Variants in CLASP2 observed in about 807,000 individuals in gnomAD.
CLASP2 encodes cytoplasmic linker associated protein 2.
CLASP2 carries 47 observed loss-of-function variants against 194.4 expected under a neutral mutation model. The ratio of observed to expected loss-of-function variants is 0.24; its 90% CI spans 0.19 to 0.31. The LOEUF (loss-of-function observed/expected upper bound fraction) is 0.31, where lower values mean the gene tolerates loss of function less well. Ranked by LOEUF, CLASP2 falls within the 10% of genes least tolerant of loss-of-function variation. The pLI is 1.00. For missense variants in CLASP2, 1,445 were observed against 1,823.6 expected (o/e 0.79, Z 3.78); for synonymous variants, 619 against 633.5 (o/e 0.98, Z 0.34).
intron 29 of CLASP2, among the ~76,000 whole-genome samples, chr3:33,556,306 A>G (rs969916198): frequency 5.9e-5 from 9 of 152,174 alleles, no homozygotes; most frequent in Non-Finnish European, 1.0e-4. Context: ...ATAATCTGTT[A>G]AATTTTTTAT....
At chr3:33,637,018 A>G (rs1165396716) in intron 8 of CLASP2, among the ~76,000 whole-genome samples, 3 of 152,250 alleles carry the variant, frequency 2.0e-5, no homozygotes, top group Non-Finnish European at 4.4e-5. Flanking sequence ...TATTCTTAGG[A>G]CAACTGAGAA....
intron 11 of CLASP2, among the ~76,000 whole-genome samples, chr3:33,620,150 A>C (rs747418758): frequency 6.6e-6 from 1 of 152,216 alleles, no homozygotes; most frequent in Non-Finnish European, 1.5e-5. Flanking sequence ...CAAGTTCAAA[A>C]TCTTACTCAA....
In CLASP2 at chr3:33,497,507, C is replaced by T. The variant is rs2045946687; in HGVS notation, c.*1124G>A. ...ACCCTTTAAGTAGTTTTCCAAAAGA[C>T]ACTATAGGCAGCAGCTCAGTTAAAA... is the stretch of plus-strand genomic sequence containing the variant. On this transcript the variant is annotated 3_prime_UTR_variant, in exon 39 of 39. Coordinates refer to ENST00000682230, the MANE Select transcript of CLASP2 (RefSeq NM_001365631.1). 6.6e-6 allele frequency: 1 copy of T among 152,532 alleles called. No individual in the cohort carries two copies. 9.4% of individuals were successfully genotyped at this position (152,532 alleles called of 1,614,324 possible). A position where few individuals can be genotyped will look rare whatever the true frequency, so the allele number is the denominator to read the frequency against.
chr3:33,694,062 G>A (rs1026989822), intron 2 of CLASP2, among the ~76,000 whole-genome samples: 2 of 152,018 alleles, frequency 1.3e-5, no homozygotes, highest in Non-Finnish European at 2.9e-5. Context: ...ATTTTTAGAA[G>A]GGAAAGAAAG....
chr3:33,506,377 CGAAAAAAAAAA>C (rs1223286487), intron 37 of CLASP2, among the ~76,000 whole-genome samples: 8 of 61,876 alleles, frequency 1.3e-4, no homozygotes, highest in African/African-American at 1.7e-4. Context: ...GACTCTGTCT[CGAAAAAAAAAA>C]AAAAAAAAAA....
At chr3:33,609,388 A>G (rs2074621120) in intron 13 of CLASP2, among the ~76,000 whole-genome samples, 1 of 152,230 alleles carries the variant, frequency 6.6e-6, no homozygotes, top group African/African-American at 2.4e-5. Context: ...CAAGAAAGCC[A>G]CAACAATCTG....
At chr3:33,683,808 C>T (rs1248015118) in intron 6 of CLASP2, among the ~76,000 whole-genome samples, 4 of 150,836 alleles carry the variant, frequency 2.7e-5, no homozygotes, top group Admixed American at 1.3e-4. Flanking sequence ...GGTGTAGTGG[C>T]GTATGCCTGT....
intron 24 of CLASP2, chr3:33,574,334 A>G (rs567830860): frequency 8.9e-5 from 51 of 575,998 alleles, no homozygotes; most frequent in East Asian, 1.8e-4. Context: ...CTCGATAACC[A>G]TATTTACAGA....
intron 27 of CLASP2, among the ~76,000 whole-genome samples, chr3:33,566,412 T>A (rs1010699411): frequency 2.6e-5 from 4 of 152,226 alleles, no homozygotes; most frequent in African/African-American, 9.6e-5. Flanking sequence ...ATCCCACATA[T>A]CTCATAAATA....
At chr3:33,650,702 AGAG>A (rs972008874) in intron 7 of CLASP2, among the ~76,000 whole-genome samples, 46 of 152,018 alleles carry the variant, frequency 3.0e-4, no homozygotes, top group Admixed American at 2.9e-3. Context: ...ATGGAGGGGA[AGAG>A]GAGGTGGATG....
intron 1 of CLASP2, among the ~76,000 whole-genome samples, chr3:33,701,208 G>A (rs1301775749): frequency 6.6e-6 from 1 of 152,210 alleles, no homozygotes; most frequent in African/African-American, 2.4e-5. Flanking sequence ...ATCCTGAAAT[G>A]TATATAGAAA....
At chr3:33,611,435 T>G (rs1286115896) in intron 13 of CLASP2, among the ~76,000 whole-genome samples, 2 of 152,110 alleles carry the variant, frequency 1.3e-5, no homozygotes, top group African/African-American at 4.8e-5. Flanking sequence ...AATACTAATA[T>G]CATTTTCTTT....
At chr3:33,614,854 G>A (rs1355661501) in intron 12 of CLASP2, among the ~76,000 whole-genome samples, 2 of 152,092 alleles carry the variant, frequency 1.3e-5, no homozygotes, top group African/African-American at 4.8e-5. Flanking sequence ...AGCCAGGCGT[G>A]GTGGCAGGTG....
rs529548828 is a variant in CLASP2 at position 33,611,969 on chromosome 3, T to TAAC, written c.1388+29_1388+31dup. ...AAACAATGCAGTATCAGAGCTATAC[T>TAAC]AACAACAACAACAACAAAAAATTAA... On this transcript the variant is annotated intron_variant, in intron 13 of 38. Coordinates refer to ENST00000682230, the MANE Select transcript of CLASP2 (RefSeq NM_001365631.1). 102 of 1,474,860 alleles carry TAAC rather than the reference T, an allele frequency of 6.9e-5. No individual in the cohort carries two copies. In the East Asian group the frequency reaches 1.1e-3, roughly 15 times the overall value. 91.4% of individuals were successfully genotyped at this position (1,474,860 alleles called of 1,614,324 possible). A position where few individuals can be genotyped will look rare whatever the true frequency, so the allele number is the denominator to read the frequency against.
At chr3:33,620,705 T>C (rs2076962378) in intron 11 of CLASP2, among the ~76,000 whole-genome samples, 2 of 152,320 alleles carry the variant, frequency 1.3e-5, no homozygotes, top group Middle Eastern at 3.4e-3. Flanking sequence ...TGTAAGCTTG[T>C]TGGGAGAGGC....
At chr3:33,712,270 G>A (rs1329881575) in intron 1 of CLASP2, among the ~76,000 whole-genome samples, 6 of 152,132 alleles carry the variant, frequency 3.9e-5, no homozygotes, top group Non-Finnish European at 5.9e-5. Flanking sequence ...ATCAAAGATC[G>A]TATGTTCTCA....
At chr3:33,632,191 C>G in intron 9 of CLASP2, 101 bp downstream of exon 9, 2 of 642,416 alleles carry the variant, frequency 3.1e-6, no homozygotes, top group Non-Finnish European at 5.1e-6. Flanking sequence ...ATTTATATAG[C>G]TATATAAGGA....
At chr3:33,550,715 A>G (rs567501587) in intron 30 of CLASP2, among the ~76,000 whole-genome samples, 1 of 152,310 alleles carries the variant, frequency 6.6e-6, no homozygotes, top group African/African-American at 2.4e-5. Context: ...ACGTTTCTAT[A>G]AGAAAGCAAG....
chr3:33,497,337 AGAT>A lies in CLASP2; in HGVS notation c.*1291_*1293del, dbSNP rs1266774412. ...TTATATTAGGATTAAAAAAAAGTAA[AGAT>A]GAGAAATCATTAGTATCCTGGTTCC... On this transcript the variant is annotated 3_prime_UTR_variant, in exon 39 of 39. Transcript: ENST00000682230. The A allele has an allele frequency of 6.6e-6, 1 of 152,634 alleles. No homozygotes were observed. Among genetic ancestry groups the A allele is most frequent in the Non-Finnish European group, 1.5e-5 (1 of 68,026 alleles). 9.5% of individuals were successfully genotyped at this position (152,634 alleles called of 1,614,324 possible). A position where few individuals can be genotyped will look rare whatever the true frequency, so the allele number is the denominator to read the frequency against.
Sources: gnomAD v4.1 joint callset for allele counts (sites outside exome capture counted in the v4.1 genomes callset) on GRCh38, gnomAD v4.1.1 for gene constraint, MANE v1.5 for transcripts, NCBI Gene and HGNC (gene_info 2026-07-23, HGNC 2026-07-21) for gene names.